The following ARHGAP44 variants were observed in gnomAD, a reference collection of about 807,000 sequenced individuals.
The protein encoded by ARHGAP44 is Rho GTPase activating protein 44.
A neutral mutation model predicts 106.8 loss-of-function variants in ARHGAP44; 43 were observed. That is an observed-to-expected ratio of 0.40 (90% CI 0.32 to 0.52). ARHGAP44 has a LOEUF of 0.52. ARHGAP44 is among the 20% of genes least tolerant of loss of function. The probability of loss-of-function intolerance (pLI) is 0.48; values close to 1 mark genes in which losing one functional copy is unlikely to be tolerated. For missense variants in ARHGAP44, 866 were observed against 1,050.5 expected, an observed-to-expected ratio of 0.82 and a Z score of 2.43; for synonymous variants, 439 against 410.3, an observed-to-expected ratio of 1.07 and a Z score of -0.85.
intron 7 of ARHGAP44, among the ~76,000 whole-genome samples, chr17:12,931,841 TAC>T (rs10522083): frequency 0.13 from 18,739 of 146,212 alleles, 1,156 homozygotes; most frequent in Middle Eastern, 0.21. Flanking sequence ...ACAGTAGGGA[TAC>T]ACACACACAC....
chr17:12,948,350 C>T (rs892360588), intron 10 of ARHGAP44, among the ~76,000 whole-genome samples: 1 of 152,130 alleles, frequency 6.6e-6, no homozygotes, highest in South Asian at 2.1e-4. Context: ...TCTGCCCTTC[C>T]CCTGAAGGCA....
chr17:12,927,164 A>C (rs2038272204), intron 6 of ARHGAP44, among the ~76,000 whole-genome samples: 1 of 152,150 alleles, frequency 6.6e-6, no homozygotes, highest in Non-Finnish European at 1.5e-5. Context: ...CTTATCTTGG[A>C]ATCAGGAATC....
chr17:12,918,307 C>T (rs2037976393), intron 5 of ARHGAP44, among the ~76,000 whole-genome samples: 2 of 152,190 alleles, frequency 1.3e-5, no homozygotes, highest in African/African-American at 4.8e-5. Context: ...CTCATCCCTG[C>T]TCGGGAGAGT....
chr17:12,826,516 T>C (rs1468921083), intron 1 of ARHGAP44, among the ~76,000 whole-genome samples: 1 of 152,234 alleles, frequency 6.6e-6, no homozygotes, highest in African/African-American at 2.4e-5. Context: ...TGACTTTATT[T>C]AAGGAGATAA....
intron 7 of ARHGAP44, 135 bp from the exon 8 acceptor site, chr17:12,940,921 T>A (rs760740476): frequency 4.5e-6 from 3 of 673,258 alleles, no homozygotes; most frequent in African/African-American, 1.8e-5. Flanking sequence ...CCATGGAAAG[T>A]TTGTATCATA....
intron 1 of ARHGAP44, among the ~76,000 whole-genome samples, chr17:12,870,048 C>T (rs200512870): frequency 2.8e-4 from 32 of 113,076 alleles, no homozygotes; most frequent in Non-Finnish European, 3.1e-4. Context: ...CAAATACCGT[C>T]TTTTTTTTTT....
At chr17:12,893,192 C>T (rs887006841) in intron 1 of ARHGAP44, among the ~76,000 whole-genome samples, 2 of 152,126 alleles carry the variant, frequency 1.3e-5, no homozygotes, top group Non-Finnish European at 2.9e-5. Context: ...TTCATTGACC[C>T]TTCGAAGATG....
At chr17:12,796,807 G>C (rs1313221505) in intron 1 of ARHGAP44, among the ~76,000 whole-genome samples, 1 of 148,880 alleles carries the variant, frequency 6.7e-6, no homozygotes, top group East Asian at 2.0e-4. Context: ...GGGTTTCACC[G>C]TGTTAGCCAG....
At chr17:12,877,099 G>C (rs1279857620) in intron 1 of ARHGAP44, among the ~76,000 whole-genome samples, 1 of 152,132 alleles carries the variant, frequency 6.6e-6, no homozygotes, top group Non-Finnish European at 1.5e-5. Flanking sequence ...GAAATTGTTT[G>C]TAATAAGACC....
chr17:12,881,706 T>C (rs1477381217), intron 1 of ARHGAP44, among the ~76,000 whole-genome samples: 2 of 152,146 alleles, frequency 1.3e-5, no homozygotes, highest in Non-Finnish European at 2.9e-5. Context: ...TTGTTGTTTG[T>C]TTATTTTGAG....
intron 1 of ARHGAP44, among the ~76,000 whole-genome samples, chr17:12,847,674 C>T (rs2035611133): frequency 6.6e-6 from 1 of 152,012 alleles, no homozygotes; most frequent in Non-Finnish European, 1.5e-5. Context: ...CCACTGCGCC[C>T]GGCTAATTTT....
chr17:12,947,363 G>A (rs2038879760), intron 10 of ARHGAP44, among the ~76,000 whole-genome samples: 1 of 151,970 alleles, frequency 6.6e-6, no homozygotes, highest in African/African-American at 2.4e-5. Flanking sequence ...GTTCCCTCTG[G>A]CCTCTGACCA....
At chr17:12,891,473 G>T (rs189359703) in intron 1 of ARHGAP44, among the ~76,000 whole-genome samples, 1 of 152,240 alleles carries the variant, frequency 6.6e-6, no homozygotes, top group East Asian at 1.9e-4. Context: ...GGGAGCTCAC[G>T]TTGTCCTTTT....
chr17:12,958,620 C>A lies in ARHGAP44; in HGVS notation c.1343-97C>A. On this transcript the variant is annotated intron_variant, in intron 15 of 20. Transcript: ENST00000379672. This position sits in a 1 kb window ranked among gnomAD's most constrained non-coding sequence, Gnocchi z 4.1. ...ATGGGATGAAATTTTCTAGGGATGA[C>A]ATACGAGGGAGTGGGTGTCTGGACT... The A allele has an allele frequency of 1.7e-6, 2 of 1,170,730 alleles. No homozygotes were observed. Among genetic ancestry groups the A allele is most frequent in the South Asian group, 1.5e-5 (1 of 68,022 alleles). The allele number at this position is 1,170,730 out of a possible 1,614,324, so 72.5% of individuals were successfully genotyped here.
intron 1 of ARHGAP44, among the ~76,000 whole-genome samples, chr17:12,797,715 T>C (rs1437790124): frequency 6.6e-6 from 1 of 152,158 alleles, no homozygotes; most frequent in Non-Finnish European, 1.5e-5. Context: ...AGTTGATCAG[T>C]TTTCTTGACT....
intron 1 of ARHGAP44, among the ~76,000 whole-genome samples, chr17:12,865,692 G>A (rs2036219477): frequency 6.6e-6 from 1 of 151,926 alleles, no homozygotes; most frequent in Non-Finnish European, 1.5e-5. Context: ...GGGAGGCTGA[G>A]GCAGGAGAAT....
At chr17:12,902,525 G>A (rs1291261289) in intron 3 of ARHGAP44, among the ~76,000 whole-genome samples, 1 of 152,106 alleles carries the variant, frequency 6.6e-6, no homozygotes, top group Non-Finnish European at 1.5e-5. Flanking sequence ...GTCCCCATAA[G>A]CTCCGTTCTC....
rs571011892 is a variant in ARHGAP44, at chr17:12,852,409, C to G, written c.54-42531C>G. On this transcript the variant is annotated intron_variant, in intron 1 of 20. Transcript: ENST00000379672. The stretch of plus-strand genomic sequence containing the variant: ...TTTGGTTTTTCTTGATTAGTTTTCC[C>G]AGGGGCTTGTCTATTTTATGTTTTT... Among the ~76,000 whole-genome samples, 466 of 149,050 alleles carry G rather than the reference C, an allele frequency of 3.1e-3. 3 individuals are homozygous for G. Among genetic ancestry groups the G allele is most frequent in the Non-Finnish European group, 5.2e-3 (352 of 67,404 alleles).
At chr17:12,866,825 A>C (rs2036251076) in intron 1 of ARHGAP44, among the ~76,000 whole-genome samples, 1 of 152,178 alleles carries the variant, frequency 6.6e-6, no homozygotes, top group Non-Finnish European at 1.5e-5. Context: ...GTGTTTGTGC[A>C]GGTCTGTCTT....
Sources: allele counts gnomAD v4.1 joint callset (sites outside exome capture counted in the v4.1 genomes callset), GRCh38; gene constraint gnomAD v4.1.1; non-coding constraint Gnocchi (gnomAD v3.1); transcripts MANE v1.5; gene names NCBI Gene and HGNC (gene_info 2026-07-23, HGNC 2026-07-21).